The following PAN3 variants were observed in gnomAD, a reference collection of about 807,000 sequenced individuals.
PAN3 encodes the protein PAN2-PAN3 deadenylation complex subunit PAN3.
PAN3 carries 19 observed loss-of-function variants against 96.2 expected under a neutral mutation model. The ratio of observed to expected loss-of-function variants is 0.20; its 90% CI spans 0.14 to 0.29. The LOEUF (loss-of-function observed/expected upper bound fraction) is 0.29, where lower values mean the gene tolerates loss of function less well. Ranked by LOEUF, PAN3 falls within the 10% of genes least tolerant of loss-of-function variation. PAN3 has a pLI of 1.00. For missense variants in PAN3, 882 were observed against 1,108.1 expected (o/e 0.80, Z 2.90); for synonymous variants, 433 against 406.6 (o/e 1.06, Z -0.78).
At chr13:28,287,083 A>C (rs950181531) in intron 17 of PAN3, among the ~76,000 whole-genome samples, 1 of 151,892 alleles carries the variant, frequency 6.6e-6, no homozygotes, top group African/African-American at 2.4e-5. Flanking sequence ...CCCCCAACCC[A>C]TTCAGACACA....
At chr13:28,260,414 G>T (rs747947834) in intron 7 of PAN3, 33 bp from the exon 8 acceptor site, 1 of 1,489,772 alleles carries the variant, frequency 6.7e-7, no homozygotes, top group African/African-American at 1.4e-5. Flanking sequence ...AGAAAAATGA[G>T]TGATTACATT....
chr13:28,290,159 T>C (rs1461031075), intron 18 of PAN3, among the ~76,000 whole-genome samples: 1 of 152,354 alleles, frequency 6.6e-6, no homozygotes, highest in Middle Eastern at 3.4e-3. Flanking sequence ...CTAAAACATT[T>C]ACCGTCTGAC....
rs139729434 is a variant in PAN3, at chr13:28,266,298, G to GT, written c.1412-416dup. 3.5e-4 allele frequency among the ~76,000 whole-genome samples: 54 copies of GT among 152,258 alleles called. 1 individual carries two copies. In the East Asian group the frequency reaches 9.8e-3, roughly 28 times the overall value. On this transcript the variant is annotated intron_variant, in intron 9 of 18. Transcript: ENST00000380958. The stretch of plus-strand genomic sequence containing the variant: ...ATTCGAGACAGTTAACAGAATGAAA[G>GT]TATAGGTTGGTGTTCAATTGGAAAA...
chr13:28,154,112 C>T (rs116520908), intron 1 of PAN3, among the ~76,000 whole-genome samples: 275 of 152,270 alleles, frequency 1.8e-3, no homozygotes, highest in African/African-American at 6.3e-3. Context: ...CACCCAAGAA[C>T]CCAATTTATT....
intron 1 of PAN3, among the ~76,000 whole-genome samples, chr13:28,143,372 A>C (rs1223788217): frequency 6.6e-6 from 1 of 152,174 alleles, no homozygotes; most frequent in Non-Finnish European, 1.5e-5. Context: ...AATATTTTCA[A>C]CTGGCTAGAT....
chr13:28,291,594 C>T (rs747456165), intron 18 of PAN3, among the ~76,000 whole-genome samples: 2 of 152,186 alleles, frequency 1.3e-5, no homozygotes, highest in Non-Finnish European at 2.9e-5. Flanking sequence ...CTTTGGGAGG[C>T]CGAGGCGGGT....
At chr13:28,146,135 A>G (rs1172366735) in intron 1 of PAN3, among the ~76,000 whole-genome samples, 1 of 151,772 alleles carries the variant, frequency 6.6e-6, no homozygotes, top group Non-Finnish European at 1.5e-5. Flanking sequence ...TAAAGTCAAA[A>G]TAAATCAGTC....
intron 1 of PAN3, among the ~76,000 whole-genome samples, chr13:28,168,550 C>T (rs963357305): frequency 6.6e-6 from 1 of 152,078 alleles, no homozygotes; most frequent in African/African-American, 2.4e-5. Flanking sequence ...GAAACTTTGT[C>T]TATACTAAAA....
At chr13:28,219,098 A>G (rs1481889797) in intron 5 of PAN3, among the ~76,000 whole-genome samples, 3 of 152,168 alleles carry the variant, frequency 2.0e-5, no homozygotes, top group African/African-American at 7.2e-5. Context: ...CTGTTTAGAG[A>G]ACATGCCACT....
intron 1 of PAN3, among the ~76,000 whole-genome samples, chr13:28,152,985 A>G (rs1451146862): frequency 2.6e-5 from 4 of 152,154 alleles, no homozygotes; most frequent in African/African-American, 9.7e-5. Context: ...AGATGTCCAC[A>G]TCCTTTGGCA....
chr13:28,196,812 A>G (rs1284428890), intron 4 of PAN3, among the ~76,000 whole-genome samples: 3 of 152,202 alleles, frequency 2.0e-5, no homozygotes, highest in African/African-American at 4.8e-5. Context: ...CCTTGAAACC[A>G]TTTCTTCATA....
chr13:28,211,863 C>G (rs190649782), intron 5 of PAN3, among the ~76,000 whole-genome samples: 87 of 152,284 alleles, frequency 5.7e-4, no homozygotes, highest in African/African-American at 2.0e-3. Context: ...GTGATTAACC[C>G]AGCTTACTAC....
chr13:28,287,933 C>T (rs765946434), intron 17 of PAN3, 51 bp from the exon 18 acceptor site: 1 of 1,523,366 alleles, frequency 6.6e-7, no homozygotes. Context: ...AGACATATGG[C>T]CACAGACCAT....
intron 6 of PAN3, among the ~76,000 whole-genome samples, chr13:28,222,523 G>A (rs145321413): frequency 1.5e-3 from 227 of 152,164 alleles, no homozygotes; most frequent in African/African-American, 2.2e-3. Flanking sequence ...TTTCAACAAT[G>A]ATGAATTATT....
intron 14 of PAN3, among the ~76,000 whole-genome samples, chr13:28,272,564 C>T (rs1886713772): frequency 6.6e-6 from 1 of 151,114 alleles, no homozygotes; most frequent in Non-Finnish European, 1.5e-5. Flanking sequence ...ATGACAATGT[C>T]AGAGACTCTT....
chr13:28,146,021 A>G (rs1056293505), intron 1 of PAN3, among the ~76,000 whole-genome samples: 1 of 152,028 alleles, frequency 6.6e-6, no homozygotes, highest in African/African-American at 2.4e-5. Flanking sequence ...TCAGCCTCCC[A>G]AAGTGCTGGG....
Position 28,139,064 on chromosome 13 carries a change from G to T in PAN3, c.407G>T (p.Gly136Val). 7.8e-7 allele frequency: 1 copy of T among 1,275,122 alleles called. No homozygotes were observed. The highest frequency in any genetic ancestry group is 9.9e-7 in the Non-Finnish European group (1 of 1,011,880). 79.0% of individuals were successfully genotyped at this position (1,275,122 alleles called of 1,614,324 possible). ...GCCGGCGGAGGAGGCAGTAGCGGGG[G>T]ACTCGATGGACCGCGGCTGGCAAGT... ...AAAGGGGSSGGLDGPRLAIPG... is the reference protein window; with the variant it reads ...AAAGGGGSSGVLDGPRLAIPG... Residue 136 changes from glycine (G) to valine (V), a missense_variant, in exon 1 of 19, where the codon GGA (glycine) becomes GTA (valine). Transcript: ENST00000380958.
chr13:28,152,027 CA>C (rs1195782762), intron 1 of PAN3, among the ~76,000 whole-genome samples: 1 of 151,964 alleles, frequency 6.6e-6, no homozygotes, highest in Non-Finnish European at 1.5e-5. Flanking sequence ...TTGGGAAACA[CA>C]AATCTATTGA....
chr13:28,236,772 G>T (rs1487101259), intron 6 of PAN3, among the ~76,000 whole-genome samples: 2 of 152,118 alleles, frequency 1.3e-5, no homozygotes, highest in Non-Finnish European at 2.9e-5. Flanking sequence ...TTAGAGCAGG[G>T]TTCTTTTTAT....
Sources: gnomAD v4.1 joint callset for allele counts (sites outside exome capture counted in the v4.1 genomes callset) on GRCh38, gnomAD v4.1.1 for gene constraint, MANE v1.5 for transcripts, NCBI Gene and HGNC (gene_info 2026-07-23, HGNC 2026-07-21) for gene names.